WIPF3: variants seen among roughly 807,000 people sequenced by gnomAD.
WIPF3 encodes the protein WAS/WASL-interacting protein family member 3.
A neutral mutation model predicts 38.9 loss-of-function variants in WIPF3; 33 were observed. The observed-to-expected ratio is 0.85, with a 90% CI of 0.64 to 1.14. The LOEUF is 1.14. Among genes scored for constraint, WIPF3 ranks in the 50% most tolerant of loss-of-function variants. The probability of loss-of-function intolerance (pLI) is 0.00; values close to 1 mark genes in which losing one functional copy is unlikely to be tolerated. For synonymous variants in WIPF3, 324 were observed against 269.3 expected (o/e 1.20, Z -1.99); for missense variants, 711 against 652.5 (o/e 1.09, Z -0.98).
chr7:29,845,112 A>AC (rs1311936465), intron 2 of WIPF3, among the ~76,000 whole-genome samples: 3 of 151,206 alleles, frequency 2.0e-5, no homozygotes, highest in African/African-American at 7.3e-5. Context: ...GAAAAAAAAA[A>AC]ACACAAAAAA....
intron 2 of WIPF3, among the ~76,000 whole-genome samples, chr7:29,840,459 T>A (rs909317698): frequency 1.3e-5 from 2 of 152,210 alleles, no homozygotes; most frequent in African/African-American, 4.8e-5. Flanking sequence ...TTAACTTTTT[T>A]AAAAATTTGA....
intron 1 of WIPF3, among the ~76,000 whole-genome samples, chr7:29,817,583 T>C (rs1188824870): frequency 6.6e-6 from 1 of 152,112 alleles, no homozygotes; most frequent in Non-Finnish European, 1.5e-5. Flanking sequence ...ATTTACTCAA[T>C]ACTTTTTGTT....
chr7:29,869,784 G>A (rs73686261), intron 2 of WIPF3, among the ~76,000 whole-genome samples: 4,093 of 152,234 alleles, frequency 0.027, 102 homozygotes, highest in East Asian at 0.069. Flanking sequence ...CTAAAAATTA[G>A]TACTACAATA....
chr7:29,806,906 C>T (rs111236741), intron 1 of WIPF3, among the ~76,000 whole-genome samples: 1 of 151,190 alleles, frequency 6.6e-6, no homozygotes, highest in African/African-American at 2.4e-5. Flanking sequence ...TGCCACGCCG[C>T]CCCGGCCGGG....
At chr7:29,907,228 G>T (rs547878459) in intron 8 of WIPF3, among the ~76,000 whole-genome samples, 16 of 152,220 alleles carry the variant, frequency 1.1e-4, no homozygotes, top group African/African-American at 3.1e-4. Flanking sequence ...TAGTGTTATT[G>T]TAACTTTGGT....
chr7:29,838,330 T>C (rs1273674631), intron 2 of WIPF3, among the ~76,000 whole-genome samples: 1 of 152,126 alleles, frequency 6.6e-6, no homozygotes, highest in Non-Finnish European at 1.5e-5. Flanking sequence ...CAGTAAAAAA[T>C]GGACCTAGTT....
Position 29,883,971 on chromosome 7 carries a change from T to G in WIPF3, c.477T>G (p.His159Gln), listed in dbSNP as rs754441561. ...SPRLGNTSEA[H>Q]GAARTAPPRP... is the part of the protein sequence containing the mutation. ...GGCTAGGCAATACCTCCGAGGCGCA[T>G]GGCGCTGCCAGGACAGCCCCGCCTC... Residue 159 changes from histidine to glutamine, a missense_variant, in exon 5 of 9, where the codon CAT becomes CAG. Physicochemically the swap from His to Gln is conservative, Grantham distance 24. Coordinates refer to ENST00000242140, the MANE Select transcript of WIPF3 (RefSeq NM_001080529.3). 7.8e-6 allele frequency: 12 copies of G among 1,543,572 alleles called. No homozygotes were observed. Among genetic ancestry groups the G allele is most frequent in the African/African-American group, 4.1e-5 (3 of 72,670 alleles).
intron 2 of WIPF3, among the ~76,000 whole-genome samples, chr7:29,863,151 A>T (rs574471642): frequency 2.0e-5 from 3 of 152,326 alleles, no homozygotes; most frequent in East Asian, 1.9e-4. Context: ...GCATAGATTT[A>T]TGTAACTACC....
chr7:29,909,902 AAAAAG>A (rs138098155), intron 8 of WIPF3, among the ~76,000 whole-genome samples: 68,340 of 148,364 alleles, frequency 0.46, 16,845 homozygotes, highest in East Asian at 0.77. Flanking sequence ...TCTCAAAAAA[AAAAAG>A]AAAAAGAAGA....
intron 1 of WIPF3, among the ~76,000 whole-genome samples, chr7:29,811,405 A>G (rs1784375875): frequency 1.3e-5 from 2 of 152,348 alleles, no homozygotes; most frequent in South Asian, 4.1e-4. Context: ...ACTGAGGTAA[A>G]GGGAACACAC....
At chr7:29,902,465 T>C (rs1364258175) in intron 7 of WIPF3, among the ~76,000 whole-genome samples, 1 of 152,098 alleles carries the variant, frequency 6.6e-6, no homozygotes, top group Non-Finnish European at 1.5e-5. Flanking sequence ...ATAGTCCAAT[T>C]TAAAAAATTG....
chr7:29,845,960 C>T (rs142696186), intron 2 of WIPF3, among the ~76,000 whole-genome samples: 143 of 152,228 alleles, frequency 9.4e-4, no homozygotes, highest in African/African-American at 3.3e-3. Flanking sequence ...CAACATTCTG[C>T]GTTGTGTTGT....
At chr7:29,901,287 A>C (rs1786269688) in intron 7 of WIPF3, among the ~76,000 whole-genome samples, 1 of 151,942 alleles carries the variant, frequency 6.6e-6, no homozygotes, top group South Asian at 2.1e-4. Flanking sequence ...TTCTGGTGGC[A>C]TCTCATAAGG....
chr7:29,830,811 T>C (rs1784706664), intron 1 of WIPF3, among the ~76,000 whole-genome samples: 1 of 152,148 alleles, frequency 6.6e-6, no homozygotes, highest in Admixed American at 6.5e-5. Flanking sequence ...ATAAAATGTC[T>C]TAGAAGTCCC....
At chr7:29,905,249 T>TA (rs1786369900) in intron 8 of WIPF3, 1 of 152,212 alleles carries the variant, frequency 6.6e-6, no homozygotes, top group Admixed American at 6.5e-5. Flanking sequence ...TAACGATTCT[T>TA]AGACGATCAC....
intron 4 of WIPF3, among the ~76,000 whole-genome samples, chr7:29,880,376 G>T (rs1309741444): frequency 6.6e-6 from 1 of 152,128 alleles, no homozygotes; most frequent in Non-Finnish European, 1.5e-5. Flanking sequence ...AAAGACTCTA[G>T]GATATTTTGA....
intron 1 of WIPF3, among the ~76,000 whole-genome samples, chr7:29,833,385 A>G (rs1334601411): frequency 6.6e-6 from 1 of 152,242 alleles, no homozygotes; most frequent in African/African-American, 2.4e-5. Context: ...TGGTTATAGT[A>G]TAGGTGACTT....
chr7:29,892,717 C>T (rs574293312), intron 7 of WIPF3, among the ~76,000 whole-genome samples: 11 of 152,296 alleles, frequency 7.2e-5, no homozygotes, highest in South Asian at 2.1e-4. Context: ...ACTCTGAGAA[C>T]GGACGTGATG....
At chr7:29,894,267 G>T (rs1786086538) in intron 7 of WIPF3, among the ~76,000 whole-genome samples, 1 of 152,140 alleles carries the variant, frequency 6.6e-6, no homozygotes, top group African/African-American at 2.4e-5. Context: ...AAGAAGAGAA[G>T]AAAAGCTACA....
Sources: gnomAD v4.1 joint callset for allele counts (sites outside exome capture counted in the v4.1 genomes callset) on GRCh38, gnomAD v4.1.1 for gene constraint, MANE v1.5 for transcripts, NCBI Gene and HGNC (gene_info 2026-07-23, HGNC 2026-07-21) for gene names.